Variants in NELL1 observed in about 807,000 individuals in gnomAD.
The protein encoded by NELL1 is neural EGFL like 1.
NELL1 carries 76 observed loss-of-function variants against 107.4 expected under a neutral mutation model. The ratio of observed to expected loss-of-function variants is 0.71; its 90% CI spans 0.59 to 0.86. NELL1 has a LOEUF of 0.86. Among genes scored for constraint, NELL1 ranks in the 40% least tolerant of loss-of-function variants. The probability of loss-of-function intolerance (pLI) is 0.00; values close to 1 mark genes in which losing one functional copy is unlikely to be tolerated. For missense variants in NELL1, 1,024 were observed against 1,005.5 expected, an observed-to-expected ratio of 1.02 and a Z score of -0.25; for synonymous variants, 353 against 341.2, an observed-to-expected ratio of 1.03 and a Z score of -0.38.
At chr11:21,443,401 C>T (rs1212605014) in intron 15 of NELL1, among the ~76,000 whole-genome samples, 1 of 151,922 alleles carries the variant, frequency 6.6e-6, no homozygotes, top group African/African-American at 2.4e-5. Context: ...TGTGCACTGA[C>T]TATAAGTTAA....
chr11:21,095,052 A>T (rs1198753106), intron 12 of NELL1, among the ~76,000 whole-genome samples: 1 of 152,178 alleles, frequency 6.6e-6, no homozygotes, highest in Admixed American at 6.5e-5. Flanking sequence ...CAATGCCTTT[A>T]GCAGCAGCCA....
chr11:20,951,725 G>C (rs1054076082), intron 11 of NELL1, among the ~76,000 whole-genome samples: 2 of 152,104 alleles, frequency 1.3e-5, no homozygotes, highest in African/African-American at 4.8e-5. Context: ...GATACTGGCG[G>C]GGAGAGGCCA....
chr11:21,067,226 C>G (rs2134372392), intron 12 of NELL1, among the ~76,000 whole-genome samples: 1 of 152,170 alleles, frequency 6.6e-6, no homozygotes, highest in East Asian at 1.9e-4. Flanking sequence ...GAAGTTGTAA[C>G]TTTTAAACAT....
At chr11:20,671,778 G>GA (rs201956349) in intron 1 of NELL1, among the ~76,000 whole-genome samples, 1 of 151,898 alleles carries the variant, frequency 6.6e-6, no homozygotes, top group African/African-American at 2.4e-5. Flanking sequence ...TTGATGGGGG[G>GA]GGTGGTGGAG....
chr11:21,104,590 G>A (rs1854901884), intron 12 of NELL1, among the ~76,000 whole-genome samples: 1 of 152,192 alleles, frequency 6.6e-6, no homozygotes, highest in Non-Finnish European at 1.5e-5. Context: ...TGTTGAAGAA[G>A]ACTTCTTTAC....
At chr11:20,944,919 T>G (rs1001536531) in intron 10 of NELL1, among the ~76,000 whole-genome samples, 47 of 152,214 alleles carry the variant, frequency 3.1e-4, no homozygotes, top group Non-Finnish European at 5.7e-4. Context: ...TGTGAATGAT[T>G]ATTTTTAAAA....
At chr11:21,313,368 T>C (rs1590827731) in intron 14 of NELL1, among the ~76,000 whole-genome samples, 1 of 152,164 alleles carries the variant, frequency 6.6e-6, no homozygotes, top group African/African-American at 2.4e-5. Context: ...GATACACTGA[T>C]TGGGATCTTT....
At chr11:21,348,403 T>C (rs916891550) in intron 14 of NELL1, among the ~76,000 whole-genome samples, 6 of 152,216 alleles carry the variant, frequency 3.9e-5, no homozygotes, top group Non-Finnish European at 8.8e-5. Flanking sequence ...ATGAGGATTT[T>C]AGGGCTCTTT....
At chr11:21,195,048 A>C (rs1467212726) in intron 13 of NELL1, among the ~76,000 whole-genome samples, 1 of 152,132 alleles carries the variant, frequency 6.6e-6, no homozygotes, top group African/African-American at 2.4e-5. Flanking sequence ...TTATTAATTT[A>C]GGAAACTAAT....
chr11:21,284,697 G>T (rs976552554), intron 14 of NELL1: 4 of 360,874 alleles, frequency 1.1e-5, no homozygotes, highest in South Asian at 6.1e-5. Flanking sequence ...CTATATGTAT[G>T]CAGTGTTTGA....
intron 13 of NELL1, among the ~76,000 whole-genome samples, chr11:21,156,522 G>A (rs763028367): frequency 3.3e-5 from 5 of 152,102 alleles, no homozygotes; most frequent in Non-Finnish European, 5.9e-5. Flanking sequence ...TGTAGTTTGA[G>A]TAAGGGAGGT....
chr11:21,315,482 T>C (rs1849859626), intron 14 of NELL1, among the ~76,000 whole-genome samples: 1 of 152,208 alleles, frequency 6.6e-6, no homozygotes, highest in Non-Finnish European at 1.5e-5. Context: ...AGATTGGATG[T>C]GGCAAACAAG....
intron 5 of NELL1, among the ~76,000 whole-genome samples, chr11:20,906,958 T>C (rs1042642302): frequency 1.3e-5 from 2 of 152,090 alleles, no homozygotes; most frequent in Non-Finnish European, 2.9e-5. Flanking sequence ...ACCACTGCTA[T>C]TTAACACTGT....
intron 14 of NELL1, among the ~76,000 whole-genome samples, chr11:21,334,163 G>C (rs1247153508): frequency 6.6e-6 from 1 of 152,000 alleles, no homozygotes; most frequent in Admixed American, 6.6e-5. Context: ...GTGTGTAGAA[G>C]AATAGACAAA....
chr11:21,556,299 T>A (rs555823286), intron 16 of NELL1, among the ~76,000 whole-genome samples: 1 of 151,956 alleles, frequency 6.6e-6, no homozygotes, highest in Admixed American at 6.6e-5. Flanking sequence ...AGTTTGAAAA[T>A]AAGACTAGAT....
intron 3 of NELL1, among the ~76,000 whole-genome samples, chr11:20,793,441 T>C (rs192670740): frequency 6.6e-6 from 1 of 152,220 alleles, no homozygotes; most frequent in Admixed American, 6.5e-5. Context: ...ATCTTTTAAA[T>C]GAAACAGTTC....
intron 15 of NELL1, among the ~76,000 whole-genome samples, chr11:21,411,736 A>G (rs1489021080): frequency 2.0e-5 from 3 of 152,108 alleles, no homozygotes; most frequent in South Asian, 2.1e-4. Flanking sequence ...TCAATGAGGT[A>G]TGATTCAGGT....
At chr11:20,772,533 C>T (rs1051580431) in intron 2 of NELL1, among the ~76,000 whole-genome samples, 1 of 152,162 alleles carries the variant, frequency 6.6e-6, no homozygotes, top group East Asian at 1.9e-4. Flanking sequence ...AAAGTCCTGA[C>T]TTTAATGTCT....
rs149194533 is a variant in NELL1, at chr11:21,182,290, C to T, written c.1427-47042C>T. Among the ~76,000 whole-genome samples, 597 of 151,606 alleles carry T rather than the reference C, an allele frequency of 3.9e-3. 5 individuals carry two copies. Among genetic ancestry groups the T allele is most frequent in the Non-Finnish European group, 6.7e-3 (454 of 67,954 alleles). On this transcript the variant is annotated intron_variant, in intron 13 of 19. Transcript: ENST00000357134. ...CTCTACTAAAAATACAAAAATTAGC[C>T]GGATGTGGTGTCAGGTGTCTGTAAT... is the stretch of plus-strand genomic sequence containing the variant.
Sources: allele counts gnomAD v4.1 joint callset (sites outside exome capture counted in the v4.1 genomes callset), GRCh38; gene constraint gnomAD v4.1.1; transcripts MANE v1.5; gene names NCBI Gene and HGNC (gene_info 2026-07-23, HGNC 2026-07-21).